Variants in TRIP12 observed in about 807,000 individuals in gnomAD.
TRIP12 encodes thyroid hormone receptor interactor 12.
A neutral mutation model predicts 244.2 loss-of-function variants in TRIP12; 25 were observed. The ratio of observed to expected loss-of-function variants is 0.10; its 90% CI spans 0.07 to 0.14. The LOEUF (loss-of-function observed/expected upper bound fraction) is 0.14. Ranked by LOEUF, TRIP12 falls within the 10% of genes least tolerant of loss-of-function variation. The pLI is 1.00. For synonymous variants in TRIP12, 905 were observed against 873.1 expected (o/e 1.04, Z -0.64); for missense variants, 1,677 against 2,486.4 (o/e 0.67, Z 6.92).
At chr2:229,833,470 G>T (rs1443717509) in intron 6 of TRIP12, among the ~76,000 whole-genome samples, 1 of 152,006 alleles carries the variant, frequency 6.6e-6, no homozygotes, top group African/African-American at 2.4e-5. Flanking sequence ...GTATTTTTTT[G>T]TAGAGACAGG....
At chr2:229,819,709 T>A (rs959628540) in intron 8 of TRIP12, among the ~76,000 whole-genome samples, 3 of 152,210 alleles carry the variant, frequency 2.0e-5, no homozygotes, top group Non-Finnish European at 4.4e-5. Flanking sequence ...AAGTTATTCT[T>A]CGCAAATTGG....
intron 4 of TRIP12, among the ~76,000 whole-genome samples, chr2:229,847,531 G>A (rs1296476388): frequency 6.6e-6 from 1 of 152,220 alleles, no homozygotes; most frequent in Non-Finnish European, 1.5e-5. Flanking sequence ...ACAAGGATGA[G>A]AAGAATGGAA....
At chr2:229,870,055 C>T (rs1354584693) in intron 2 of TRIP12, among the ~76,000 whole-genome samples, 2 of 152,158 alleles carry the variant, frequency 1.3e-5, no homozygotes, top group African/African-American at 4.8e-5. Context: ...GGGAGTACGT[C>T]GATTCCCCTA....
intron 1 of TRIP12, among the ~76,000 whole-genome samples, chr2:229,902,366 C>T (rs181897818): frequency 3.3e-5 from 5 of 152,140 alleles, no homozygotes; most frequent in African/African-American, 4.8e-5. Context: ...GGCAATGCAG[C>T]GAGACTTCGT....
At chr2:229,903,746 G>A (rs562494096) in intron 1 of TRIP12, among the ~76,000 whole-genome samples, 175 of 152,034 alleles carry the variant, frequency 1.2e-3, no homozygotes, top group Non-Finnish European at 2.1e-3. Flanking sequence ...CAGGCGCGGT[G>A]GCTCATTACC....
chr2:229,775,195 T>A (rs571602185), intron 37 of TRIP12, among the ~76,000 whole-genome samples: 1 of 152,252 alleles, frequency 6.6e-6, no homozygotes, highest in East Asian at 1.9e-4. Flanking sequence ...AAATGCTGTT[T>A]AGGATTCTAA....
At chr2:229,822,854 C>T (rs2050433368) in intron 8 of TRIP12, among the ~76,000 whole-genome samples, 1 of 152,084 alleles carries the variant, frequency 6.6e-6, no homozygotes, top group Non-Finnish European at 1.5e-5. Flanking sequence ...ACATTTTCAA[C>T]AGATGATTGG....
In TRIP12 at chr2:229,851,034, C is replaced by A. The variant is rs540058427; in HGVS notation, c.1027+7738G>T. Among the ~76,000 whole-genome samples, 231 of 152,318 alleles carry A rather than the reference C, an allele frequency of 1.5e-3. 2 individuals are homozygous for A. Among genetic ancestry groups the A allele is most frequent in the African/African-American group, 4.8e-3 (198 of 41,578 alleles). On this transcript the variant is annotated intron_variant, in intron 4 of 41. Coordinates refer to ENST00000675903, the MANE Select transcript of TRIP12 (RefSeq NM_001348323.3). The stretch of plus-strand genomic sequence containing the variant: ...GGGCTCCTGTGCAGCCCAAGCCTCC[C>A]CGACGAGCGCCGCCCCCTGCTCCAG...
chr2:229,918,486 T>C (rs566245614), intron 1 of TRIP12, among the ~76,000 whole-genome samples: 16 of 152,362 alleles, frequency 1.1e-4, no homozygotes, highest in Admixed American at 3.9e-4. Flanking sequence ...ATTCCCTAAT[T>C]GTAATCTCTT....
intron 34 of TRIP12, among the ~76,000 whole-genome samples, chr2:229,781,319 A>T (rs931707955): frequency 4.6e-5 from 7 of 152,280 alleles, no homozygotes; most frequent in African/African-American, 1.7e-4. Flanking sequence ...AAGTTTGACA[A>T]CTTGACTTAA....
At chr2:229,836,802 T>C in intron 6 of TRIP12, 46 bp downstream of exon 6, 1 of 1,559,814 alleles carries the variant, frequency 6.4e-7, no homozygotes, top group Non-Finnish European at 8.6e-7. Context: ...CCATCAAATC[T>C]GTAAAAGACA....
At chr2:229,912,815 A>G (rs938900097) in intron 1 of TRIP12, among the ~76,000 whole-genome samples, 2 of 152,194 alleles carry the variant, frequency 1.3e-5, no homozygotes, top group Non-Finnish European at 2.9e-5. Flanking sequence ...AGCACCCTCT[A>G]AGAGGGCAGA....
chr2:229,773,049 T>C (rs1191563549), intron 38 of TRIP12, among the ~76,000 whole-genome samples: 2 of 152,028 alleles, frequency 1.3e-5, no homozygotes, highest in South Asian at 2.1e-4. Context: ...TTAGCAAATA[T>C]AGTCAAGCAT....
chr2:229,913,549 C>T (rs1035270427), intron 1 of TRIP12, among the ~76,000 whole-genome samples: 2 of 152,196 alleles, frequency 1.3e-5, no homozygotes, highest in Admixed American at 1.3e-4. Flanking sequence ...CTAAAATATT[C>T]TAGGGTCTTA....
rs1242181004 is a variant in TRIP12, at chr2:229,789,697, T to C, written c.4609A>G (p.Ile1537Val). The C allele has an allele frequency of 5.0e-6, 8 of 1,614,002 alleles. No individual in the cohort carries two copies. The highest frequency in any genetic ancestry group is 1.6e-4 in the Middle Eastern group (1 of 6,080). ...VYLIPTPPEN[I>V]TFEDPSLDVI... Reference sequence around the variant, plus strand: ...TCTAATGACGGGTCTTCAAATGTTATATTTTCAGGTGGTGTGGGAATGAGG... The same window carrying C: ...TCTAATGACGGGTCTTCAAATGTTACATTTTCAGGTGGTGTGGGAATGAGG... Residue 1537 changes from isoleucine to valine, a missense_variant, in exon 31 of 42, where the codon ATA becomes GTA. By Grantham distance (29) the Ile-to-Val change is conservative (BLOSUM62 3). Coordinates refer to ENST00000675903, the MANE Select transcript of TRIP12 (RefSeq NM_001348323.3).
chr2:229,853,748 T>C (rs1452302565), intron 4 of TRIP12, among the ~76,000 whole-genome samples: 1 of 152,182 alleles, frequency 6.6e-6, no homozygotes, highest in East Asian at 1.9e-4. Flanking sequence ...CATTACAATA[T>C]GTTGCTGCAT....
chr2:229,908,255 A>G (rs764668097), intron 1 of TRIP12, among the ~76,000 whole-genome samples: 21 of 152,202 alleles, frequency 1.4e-4, no homozygotes, highest in Admixed American at 2.0e-4. Context: ...TCATTAGACT[A>G]TATTATATAC....
chr2:229,871,498 A>G (rs141866955), intron 2 of TRIP12, among the ~76,000 whole-genome samples: 1 of 152,052 alleles, frequency 6.6e-6, no homozygotes. Flanking sequence ...CTGGTTGTTT[A>G]CAAGTGTGTG....
intron 4 of TRIP12, among the ~76,000 whole-genome samples, chr2:229,844,625 G>C (rs1201934702): frequency 1.3e-5 from 2 of 152,136 alleles, no homozygotes; most frequent in African/African-American, 2.4e-5. Context: ...GCTTCTTCAA[G>C]ATTCCTTCTG....
Sources: allele counts gnomAD v4.1 joint callset (sites outside exome capture counted in the v4.1 genomes callset), GRCh38; gene constraint gnomAD v4.1.1; transcripts MANE v1.5; gene names NCBI Gene and HGNC (gene_info 2026-07-23, HGNC 2026-07-21).